EPHA6: variants seen among roughly 807,000 people sequenced by gnomAD.
EPHA6 encodes ephrin type-A receptor 6.
A neutral mutation model predicts 112.0 loss-of-function variants in EPHA6; 50 were observed. That is an observed-to-expected ratio of 0.45 (90% confidence interval 0.36 to 0.56). EPHA6 has a LOEUF of 0.56. EPHA6 is among the 20% of genes least tolerant of loss of function. The pLI is 0.00. For missense variants in EPHA6, 1,280 were observed against 1,417.4 expected (o/e 0.90, Z 1.56); for synonymous variants, 529 against 490.7 (o/e 1.08, Z -1.03).
intron 6 of EPHA6, among the ~76,000 whole-genome samples, chr3:97,426,591 C>T (rs1280598284): frequency 1.3e-5 from 2 of 152,128 alleles, no homozygotes; most frequent in Admixed American, 1.3e-4. Context: ...AAAACTATAA[C>T]ATTCCTAGAA....
intron 3 of EPHA6, among the ~76,000 whole-genome samples, chr3:97,080,403 GT>G (rs1303538087): frequency 6.6e-6 from 1 of 151,968 alleles, no homozygotes; most frequent in Non-Finnish European, 1.5e-5. Context: ...GAAATAAGTA[GT>G]TTTTCTCATC....
At chr3:97,417,354 T>A (rs2088208987) in intron 6 of EPHA6, among the ~76,000 whole-genome samples, 1 of 152,032 alleles carries the variant, frequency 6.6e-6, no homozygotes, top group African/African-American at 2.4e-5. Flanking sequence ...CAATAAAAAT[T>A]AGGGAATAAA....
intron 1 of EPHA6, among the ~76,000 whole-genome samples, chr3:96,860,495 C>T (rs574487388): frequency 6.6e-6 from 1 of 151,862 alleles, no homozygotes; most frequent in Non-Finnish European, 1.5e-5. Context: ...TTTATCAGGA[C>T]CATTAAACCA....
intron 2 of EPHA6, among the ~76,000 whole-genome samples, chr3:96,935,971 C>A (rs970718870): frequency 2.0e-5 from 3 of 151,900 alleles, no homozygotes; most frequent in Non-Finnish European, 2.9e-5. Context: ...ATGGAACAAA[C>A]CTCCTAAGGA....
At chr3:97,103,111 T>G (rs2047453467) in intron 3 of EPHA6, among the ~76,000 whole-genome samples, 1 of 152,176 alleles carries the variant, frequency 6.6e-6, no homozygotes, top group African/African-American at 2.4e-5. Context: ...TAGTTTCTTT[T>G]GCTGTGCAGA....
chr3:97,055,855 A>G, intron 3 of EPHA6, among the ~76,000 whole-genome samples: 1 of 152,154 alleles, frequency 6.6e-6, no homozygotes, highest in Admixed American at 6.6e-5. Context: ...AATATAGCAA[A>G]GGGCAAGCAT....
chr3:97,663,994 CTGT>C (rs1200325065), intron 14 of EPHA6, among the ~76,000 whole-genome samples: 2 of 152,290 alleles, frequency 1.3e-5, no homozygotes, highest in East Asian at 1.9e-4. Flanking sequence ...TCTCCAGCAC[CTGT>C]TGTTTCCTGA....
intron 5 of EPHA6, 58 bp from the exon 6 acceptor site, chr3:97,405,092 A>C (rs2087252800): frequency 6.6e-7 from 1 of 1,523,344 alleles, no homozygotes; most frequent in African/African-American, 1.4e-5. Flanking sequence ...ATATTAAAGA[A>C]AGGATAATGG....
At chr3:97,420,891 A>G (rs77935288) in intron 6 of EPHA6, among the ~76,000 whole-genome samples, 1,884 of 152,198 alleles carry the variant, frequency 0.012, 28 homozygotes, top group African/African-American at 0.044. Context: ...TCAGGAATGC[A>G]TGAGTATTTT....
intron 10 of EPHA6, among the ~76,000 whole-genome samples, chr3:97,530,608 A>C (rs1247838374): frequency 6.6e-6 from 1 of 151,894 alleles, no homozygotes; most frequent in Admixed American, 6.6e-5. Context: ...GAAAAAAAAA[A>C]CAGGATTATT....
chr3:97,078,860 G>C (rs1183938143), intron 3 of EPHA6, among the ~76,000 whole-genome samples: 1 of 152,088 alleles, frequency 6.6e-6, no homozygotes, highest in East Asian at 1.9e-4. Context: ...TACTGGTGAG[G>C]ATGCTGTGAT....
chr3:97,325,409 G>T (rs549836495), intron 5 of EPHA6, among the ~76,000 whole-genome samples: 1 of 152,036 alleles, frequency 6.6e-6, no homozygotes, highest in Non-Finnish European at 1.5e-5. Flanking sequence ...CACTCTGTAT[G>T]TAGAAATGTC....
chr3:97,023,063 G>A (rs1240858905), intron 3 of EPHA6, among the ~76,000 whole-genome samples: 1 of 152,026 alleles, frequency 6.6e-6, no homozygotes, highest in Non-Finnish European at 1.5e-5. Flanking sequence ...AAGTATCTGT[G>A]GATCCAATGC....
intron 11 of EPHA6, among the ~76,000 whole-genome samples, chr3:97,536,225 A>G (rs1314533288): frequency 6.6e-6 from 1 of 152,176 alleles, no homozygotes; most frequent in South Asian, 2.1e-4. Flanking sequence ...CTATATAACC[A>G]ACAGAGAAAG....
chr3:96,882,421 G>A (rs1006453927), intron 2 of EPHA6, among the ~76,000 whole-genome samples: 3 of 152,104 alleles, frequency 2.0e-5, no homozygotes, highest in Non-Finnish European at 4.4e-5. Flanking sequence ...GTTCTTTAGT[G>A]GTGATTTGTG....
At position 97,503,925 on chromosome 3, in the gene EPHA6, C is replaced by T. The variant is rs1276312621; in HGVS notation, c.2200+19866C>T. Among the ~76,000 whole-genome samples, 4 of 152,244 alleles carry T rather than the reference C, an allele frequency of 2.6e-5. No individual in the cohort carries two copies. In the East Asian group the frequency reaches 5.8e-4, roughly 22 times the overall value. ...AAATTTGATAAGTAAAGGAAAATTT[C>T]AACCTCCAGAATGCTGGGAAATGAA... is the stretch of plus-strand genomic sequence containing the variant. On this transcript the variant is annotated intron_variant, in intron 10 of 17. Transcript: ENST00000389672.
At position 97,754,797 on chromosome 3, in the gene EPHA6, G is replaced by A. The variant is rs2035986004; in HGVS notation, c.*6096G>A. On this transcript the variant is annotated 3_prime_UTR_variant, in exon 18 of 18. Coordinates refer to ENST00000389672, the MANE Select transcript of EPHA6 (RefSeq NM_001080448.3). ...CGGCTCACTGCTAACTCCGCCTCCC[G>A]GGTTCACGCCATTCTCCTGCCTCAG... 6.6e-6 allele frequency among the ~76,000 whole-genome samples: 1 copy of A among 152,162 alleles called. No individual in the cohort carries two copies. The highest frequency in any genetic ancestry group is 6.5e-5 in the Admixed American group (1 of 15,288).
intron 2 of EPHA6, among the ~76,000 whole-genome samples, chr3:96,961,371 C>T (rs536712813): frequency 1.3e-5 from 2 of 152,178 alleles, no homozygotes; most frequent in African/African-American, 2.4e-5. Context: ...CAGTTTGGTT[C>T]ATTGCACAGT....
intron 3 of EPHA6, among the ~76,000 whole-genome samples, chr3:97,109,547 G>C (rs1441979104): frequency 9.2e-5 from 14 of 152,136 alleles, no homozygotes; most frequent in Non-Finnish European, 5.9e-5. Flanking sequence ...CTGTTGCTTG[G>C]AGTGAAAAGT....
Sources: allele counts gnomAD v4.1 joint callset (sites outside exome capture counted in the v4.1 genomes callset), GRCh38; gene constraint gnomAD v4.1.1; transcripts MANE v1.5; gene names NCBI Gene and HGNC (gene_info 2026-07-23, HGNC 2026-07-21).